RBFOX1: variants seen among roughly 807,000 people sequenced by gnomAD.
RBFOX1 encodes the protein RNA binding protein fox-1 homolog 1.
RBFOX1 carries 8 observed loss-of-function variants against 57.7 expected under a neutral mutation model. The observed-to-expected ratio is 0.14, with a 90% CI of 0.08 to 0.25. RBFOX1 has a LOEUF of 0.25. Among genes scored for constraint, RBFOX1 ranks in the 10% least tolerant of loss-of-function variants. RBFOX1 has a pLI of 1.00. For synonymous variants in RBFOX1, 326 were observed against 222.4 expected (o/e 1.47, Z -4.15); for missense variants, 611 against 548.5 (o/e 1.11, Z -1.14).
At chr16:5,563,255 G>A (rs1182752237) in intron 2 of RBFOX1, among the ~76,000 whole-genome samples, 4 of 152,096 alleles carry the variant, frequency 2.6e-5, no homozygotes, top group African/African-American at 9.7e-5. Flanking sequence ...AGCTGAGGCT[G>A]TATTATTGTA....
At chr16:7,574,067 G>C (rs1021837460) in intron 5 of RBFOX1, among the ~76,000 whole-genome samples, 2 of 152,106 alleles carry the variant, frequency 1.3e-5, no homozygotes, top group African/African-American at 4.8e-5. Context: ...AAGCTTCTCA[G>C]GGATGCTATA....
At chr16:7,540,174 T>C (rs1017765577) in intron 5 of RBFOX1, among the ~76,000 whole-genome samples, 7 of 152,232 alleles carry the variant, frequency 4.6e-5, no homozygotes, top group Admixed American at 3.3e-4. Flanking sequence ...TAGAGTTATC[T>C]TTTATAGTGT....
chr16:5,247,643 C>T (rs2062335997), intron 1 of RBFOX1, among the ~76,000 whole-genome samples: 1 of 152,182 alleles, frequency 6.6e-6, no homozygotes, highest in African/African-American at 2.4e-5. Context: ...TATTTCAGTG[C>T]ATATTGTCTG....
intron 4 of RBFOX1, among the ~76,000 whole-genome samples, chr16:7,486,396 A>G (rs929930164): frequency 5.9e-5 from 9 of 151,852 alleles, no homozygotes; most frequent in African/African-American, 2.2e-4. Flanking sequence ...CCGGCTTCCC[A>G]AAAGTGCTGG....
At chr16:6,303,746 A>G (rs2079103024) in intron 1 of RBFOX1, among the ~76,000 whole-genome samples, 2 of 141,526 alleles carry the variant, frequency 1.4e-5, no homozygotes, top group African/African-American at 5.1e-5. Context: ...GAGGCCGAGG[A>G]GGGTGGATCA....
At chr16:5,424,983 CT>C (rs761126588) in intron 1 of RBFOX1, among the ~76,000 whole-genome samples, 2,814 of 25,476 alleles carry the variant, frequency 0.11, 343 homozygotes, top group African/African-American at 0.27. Context: ...TCTTTCTTTT[CT>C]TTTCTTTTCT....
intron 1 of RBFOX1, among the ~76,000 whole-genome samples, chr16:6,107,145 T>C (rs1298398640): frequency 1.3e-5 from 2 of 152,160 alleles, no homozygotes; most frequent in Non-Finnish European, 2.9e-5. Flanking sequence ...CTTTGCTTTT[T>C]TGTTTTTTTG....
At chr16:5,832,039 C>A (rs534016862) in intron 3 of RBFOX1, among the ~76,000 whole-genome samples, 30 of 152,096 alleles carry the variant, frequency 2.0e-4, no homozygotes, top group Admixed American at 8.5e-4. Context: ...AAGGAAGACC[C>A]CAGTCAGCAT....
intron 4 of RBFOX1, among the ~76,000 whole-genome samples, chr16:5,984,273 G>C (rs1406167848): frequency 6.9e-6 from 1 of 145,024 alleles, no homozygotes; most frequent in African/African-American, 2.6e-5. Flanking sequence ...CTTTTCTGCT[G>C]CCTAAATACA....
intron 12 of RBFOX1, chr16:7,664,629 C>A (rs1568352824): frequency 7.0e-6 from 3 of 428,800 alleles, no homozygotes; most frequent in Non-Finnish European, 8.4e-6. Flanking sequence ...AAATCTCAGT[C>A]CTCTTTGCAT....
intron 4 of RBFOX1, among the ~76,000 whole-genome samples, chr16:7,485,128 G>A (rs1219054975): frequency 2.6e-5 from 4 of 151,782 alleles, no homozygotes; most frequent in African/African-American, 9.7e-5. Flanking sequence ...CCTCAGGTAG[G>A]AAGTTGTTTC....
At chr16:6,685,273 CTTTTTTTTTT>C (rs202226687) in intron 3 of RBFOX1, among the ~76,000 whole-genome samples, 1 of 111,576 alleles carries the variant, frequency 9.0e-6, no homozygotes, top group African/African-American at 3.6e-5. Flanking sequence ...GAGAGTTTTT[CTTTTTTTTTT>C]TTTTTTTTTT....
chr16:7,051,982 A>T (rs781239819), intron 3 of RBFOX1, 75 bp from the exon 4 acceptor site: 82 of 1,562,590 alleles, frequency 5.2e-5, no homozygotes, highest in Non-Finnish European at 7.0e-5. Context: ...AATTAAAAGT[A>T]ACTTTCTGTT....
At chr16:6,230,280 C>T (rs148900428) in intron 1 of RBFOX1, among the ~76,000 whole-genome samples, 1 of 151,890 alleles carries the variant, frequency 6.6e-6, no homozygotes, top group Admixed American at 6.6e-5. Context: ...TTACTATATG[C>T]TTGGTAATTC....
intron 3 of RBFOX1, among the ~76,000 whole-genome samples, chr16:6,871,518 A>G (rs559710704): frequency 7.2e-5 from 11 of 151,896 alleles, no homozygotes; most frequent in African/African-American, 2.2e-4. Context: ...CCTCTCCCTT[A>G]TCCCTCATGC....
At chr16:5,388,914 G>A (rs1042448568) in intron 1 of RBFOX1, among the ~76,000 whole-genome samples, 3 of 151,332 alleles carry the variant, frequency 2.0e-5, no homozygotes, top group Non-Finnish European at 3.0e-5. Flanking sequence ...GTAAGGGGCC[G>A]GGCGCGGTGG....
intron 1 of RBFOX1, among the ~76,000 whole-genome samples, chr16:5,267,966 C>G (rs1270551803): frequency 1.3e-5 from 2 of 152,100 alleles, no homozygotes; most frequent in Non-Finnish European, 2.9e-5. Context: ...GTAGTCCCAG[C>G]TACTTGGGAA....
intron 1 of RBFOX1, among the ~76,000 whole-genome samples, chr16:5,253,422 G>T (rs1343633217): frequency 6.6e-6 from 1 of 152,146 alleles, no homozygotes; most frequent in Admixed American, 6.5e-5. Context: ...AAAGTGCTGG[G>T]ATTACAGGCG....
chr16:5,362,740 C>G (rs1029549175), intron 1 of RBFOX1, among the ~76,000 whole-genome samples: 54 of 152,036 alleles, frequency 3.6e-4, no homozygotes, highest in Non-Finnish European at 2.1e-4. Flanking sequence ...CCATTTTGCT[C>G]TGTTTCTGTG....
Sources: gnomAD v4.1 joint callset for allele counts (sites outside exome capture counted in the v4.1 genomes callset) on GRCh38, gnomAD v4.1.1 for gene constraint, MANE v1.5 for transcripts, NCBI Gene and HGNC (gene_info 2026-07-23, HGNC 2026-07-21) for gene names.